The following PRKAR2B variants were observed in gnomAD, a reference collection of about 807,000 sequenced individuals.
The protein encoded by PRKAR2B is protein kinase cAMP-dependent type II regulatory subunit beta, also known as cAMP-dependent protein kinase type II-beta regulatory subunit.
In PRKAR2B, 14 loss-of-function variants were observed where a neutral mutation model predicts 49.9. The ratio of observed to expected loss-of-function variants is 0.28; its 90% CI spans 0.19 to 0.44. PRKAR2B has a LOEUF of 0.44. Among genes scored for constraint, PRKAR2B ranks in the 20% least tolerant of loss-of-function variants. PRKAR2B has a pLI of 1.00. For missense variants in PRKAR2B, 393 were observed against 537.9 expected (o/e 0.73, Z 2.67); for synonymous variants, 196 against 197.7 (o/e 0.99, Z 0.07).
intron 2 of PRKAR2B, among the ~76,000 whole-genome samples, chr7:107,081,471 C>G (rs1256574535): frequency 7.8e-6 from 1 of 127,832 alleles, no homozygotes; most frequent in East Asian, 2.5e-4. Flanking sequence ...GAATGTTAGT[C>G]TCATCTCTGA....
At chr7:107,143,457 G>A (rs1345846685) in intron 5 of PRKAR2B, among the ~76,000 whole-genome samples, 1 of 152,238 alleles carries the variant, frequency 6.6e-6, no homozygotes, top group Non-Finnish European at 1.5e-5. Context: ...CTGCAAGCCT[G>A]CCATTGTTTG....
chr7:107,055,897 A>T (rs934632568), intron 1 of PRKAR2B, among the ~76,000 whole-genome samples: 1 of 152,194 alleles, frequency 6.6e-6, no homozygotes, highest in African/African-American at 2.4e-5. Flanking sequence ...GCCCATGCCT[A>T]TGTCCTGAAT....
chr7:107,132,573 T>G (rs779104166), intron 4 of PRKAR2B, among the ~76,000 whole-genome samples: 34 of 151,646 alleles, frequency 2.2e-4, no homozygotes, highest in Non-Finnish European at 4.6e-4. Flanking sequence ...AAGAATGGTT[T>G]CACAAAAAAG....
rs58258955 is a variant in PRKAR2B at position 107,150,698 on chromosome 7, TAAAAAAA to T, written c.742-206_742-200del. ...ATAAAAAGTCAACAGATGCTTTCTT[TAAAAAAA>T]AAAAAAAAAAAAAAAAAGAAAACAG... On this transcript the variant is annotated intron_variant, in intron 6 of 10. Coordinates refer to ENST00000265717, the MANE Select transcript of PRKAR2B (RefSeq NM_002736.3). Among the ~76,000 whole-genome samples, 1,001 of 140,622 alleles carry T rather than the reference TAAAAAAA, an allele frequency of 7.1e-3. 7 individuals carry two copies. Among genetic ancestry groups the T allele is most frequent in the Non-Finnish European group, 0.012 (799 of 64,920 alleles). The allele number at this position is 140,622 out of a possible 152,430, so 92.3% of individuals were successfully genotyped here.
chr7:107,125,027 A>G (rs1795459203), intron 3 of PRKAR2B, among the ~76,000 whole-genome samples: 1 of 152,192 alleles, frequency 6.6e-6, no homozygotes, highest in African/African-American at 2.4e-5. Flanking sequence ...TGACGCTTGA[A>G]TTTGAATTTA....
chr7:107,145,658 A>C (rs1270682839), intron 5 of PRKAR2B, among the ~76,000 whole-genome samples: 3 of 151,026 alleles, frequency 2.0e-5, no homozygotes, highest in African/African-American at 7.3e-5. Context: ...GGCTCAAGTG[A>C]TCCTCTTACC....
In PRKAR2B at chr7:107,160,325, G is replaced by T. The variant is rs1410057478; in HGVS notation, c.*743G>T. 2.0e-5 allele frequency: 3 copies of T among 151,782 alleles called. 1 individual carries two copies. The highest frequency in any genetic ancestry group is 4.4e-5 in the Non-Finnish European group (3 of 67,902). 9.4% of individuals were successfully genotyped at this position (151,782 alleles called of 1,614,324 possible). ...GCATATATCTGCTTTTTTTTATTTT[G>T]CAATTCTCTGTATTCTATGTCTTTA... On this transcript the variant is annotated 3_prime_UTR_variant, in exon 11 of 11. Coordinates refer to ENST00000265717, the MANE Select transcript of PRKAR2B (RefSeq NM_002736.3).
intron 2 of PRKAR2B, among the ~76,000 whole-genome samples, chr7:107,087,381 A>C (rs2116795763): frequency 6.6e-6 from 1 of 152,322 alleles, no homozygotes. Flanking sequence ...TTGCATACAA[A>C]CTTTAATATA....
chr7:107,058,565 A>T (rs1793959984), intron 1 of PRKAR2B, among the ~76,000 whole-genome samples: 1 of 152,204 alleles, frequency 6.6e-6, no homozygotes, highest in African/African-American at 2.4e-5. Context: ...AAGTTTGTTC[A>T]TACGTCTTTG....
At chr7:107,105,629 A>G (rs2116818315) in intron 2 of PRKAR2B, among the ~76,000 whole-genome samples, 1 of 152,272 alleles carries the variant, frequency 6.6e-6, no homozygotes, top group South Asian at 2.1e-4. Context: ...GTAAGGTGTC[A>G]TTGGGAGCTC....
chr7:107,090,121 G>T (rs188905861), intron 2 of PRKAR2B, among the ~76,000 whole-genome samples: 34 of 152,280 alleles, frequency 2.2e-4, no homozygotes, highest in African/African-American at 6.3e-4. Context: ...AGTGAAAAGG[G>T]GGTTTATTGA....
intron 6 of PRKAR2B, among the ~76,000 whole-genome samples, chr7:107,148,678 T>C (rs1306618214): frequency 1.3e-5 from 2 of 152,166 alleles, no homozygotes; most frequent in African/African-American, 4.8e-5. Context: ...AAATTTTTCT[T>C]TTAAGGTCAA....
chr7:107,135,405 A>G (rs1009633702), intron 4 of PRKAR2B, among the ~76,000 whole-genome samples: 1 of 152,196 alleles, frequency 6.6e-6, no homozygotes, highest in Non-Finnish European at 1.5e-5. Flanking sequence ...ATAAGACAAG[A>G]AAGTGTAGTA....
intron 2 of PRKAR2B, among the ~76,000 whole-genome samples, chr7:107,107,665 G>C (rs1795099350): frequency 1.3e-5 from 2 of 151,538 alleles, no homozygotes; most frequent in African/African-American, 4.8e-5. Context: ...TGACAAAAGA[G>C]GTGTTTTTTT....
chr7:107,081,442 T>C (rs1011318066), intron 2 of PRKAR2B, among the ~76,000 whole-genome samples: 5 of 137,542 alleles, frequency 3.6e-5, no homozygotes, highest in African/African-American at 1.3e-4. Flanking sequence ...CAGCTACTTC[T>C]TTGGAGCTGA....
intron 1 of PRKAR2B, chr7:107,069,595 A>G: frequency 6.6e-6 from 1 of 152,212 alleles, no homozygotes; most frequent in East Asian, 1.9e-4. Flanking sequence ...AAAACCAAGA[A>G]GATACAGAGC....
chr7:107,077,656 T>C (rs1231223399), intron 2 of PRKAR2B: 1 of 152,198 alleles, frequency 6.6e-6, no homozygotes, highest in Non-Finnish European at 1.5e-5. Context: ...CCAGGAGTTA[T>C]TTCATCCTTT....
intron 4 of PRKAR2B, among the ~76,000 whole-genome samples, chr7:107,128,559 A>G (rs1795541461): frequency 6.6e-6 from 1 of 152,136 alleles, no homozygotes; most frequent in African/African-American, 2.4e-5. Context: ...TCATCTCTCA[A>G]GATGTTATCT....
chr7:107,105,224 G>A (rs188854871), intron 2 of PRKAR2B, among the ~76,000 whole-genome samples: 20 of 152,272 alleles, frequency 1.3e-4, no homozygotes. Context: ...GAAGTGATAT[G>A]CAGTGGAAGA....
Sources: gnomAD v4.1 joint callset for allele counts (sites outside exome capture counted in the v4.1 genomes callset) on GRCh38, gnomAD v4.1.1 for gene constraint, MANE v1.5 for transcripts, NCBI Gene and HGNC (gene_info 2026-07-23, HGNC 2026-07-21) for gene names.